KCNA2: variants seen among roughly 807,000 people sequenced by gnomAD.
KCNA2 encodes the protein potassium channel, voltage gated shaker related subfamily A, member 2.
Under a neutral mutation model 33.4 loss-of-function variants are expected in KCNA2, and 11 were observed. The ratio of observed to expected loss-of-function variants is 0.33; its 90% CI spans 0.21 to 0.55. KCNA2 has a LOEUF of 0.55. Ranked by LOEUF, KCNA2 falls within the 20% of genes least tolerant of loss-of-function variation. The pLI is 0.93. For synonymous variants in KCNA2, 222 were observed against 231.3 expected, an observed-to-expected ratio of 0.96 and a Z score of 0.37; for missense variants, 291 against 621.6, an observed-to-expected ratio of 0.47 and a Z score of 5.66.
rs1350739797 is a variant in KCNA2 at position 110,603,061 on chromosome 1, C to T, written c.*222G>A. On this transcript the variant is annotated 3_prime_UTR_variant, in exon 3 of 3. Coordinates refer to ENST00000316361, the MANE Select transcript of KCNA2 (RefSeq NM_004974.4). This position sits in a 1 kb window ranked among gnomAD's most constrained non-coding sequence, Gnocchi z 5.7. ...AAATCCTAGCTTGATAGGTGACTCC[C>T]GTCTTTGGAAGTTCATAAGCCGGTG... 6.5e-6 allele frequency: 9 copies of T among 1,395,178 alleles called. No individual in the cohort carries two copies. Among genetic ancestry groups the T allele is most frequent in the Admixed American group, 3.3e-5 (1 of 30,220 alleles). 86.4% of individuals were successfully genotyped at this position (1,395,178 alleles called of 1,614,324 possible). A position where few individuals can be genotyped will look rare whatever the true frequency, so the allele number is the denominator to read the frequency against.
Position 110,598,330 on chromosome 1 carries a change from C to A in KCNA2, c.*4953G>T, listed in dbSNP as rs542237164. 3.1e-4 allele frequency: 296 copies of A among 945,226 alleles called. No individual in the cohort carries two copies. Among genetic ancestry groups the A allele is most frequent in the Non-Finnish European group, 3.5e-4 (280 of 793,588 alleles). 58.6% of individuals were successfully genotyped at this position (945,226 alleles called of 1,614,324 possible). ...CAAGTCAAAGCACTGTGCTCCCCTG[C>A]CTGACATAGGGGTAGTGGTGCCACC... On this transcript the variant is annotated 3_prime_UTR_variant, in exon 3 of 3. Transcript: ENST00000316361.
At chr1:110,609,993 C>CTTAA (rs1236814734), upstream of KCNA2, among the ~76,000 whole-genome samples, 1 of 152,208 alleles carries the variant, frequency 6.6e-6, no homozygotes, top group African/African-American at 2.4e-5. Context: ...GAATGGACAG[C>CTTAA]CAGCTAACTT....
chr1:110,615,690 T>G (rs569696161), intron 1 of KCNA2, among the ~76,000 whole-genome samples: 1 of 152,034 alleles, frequency 6.6e-6, no homozygotes, highest in East Asian at 1.9e-4. Context: ...GGTAGACAAG[T>G]GAGGAGGTGG....
chr1:110,630,119 G>A (rs1297554941), intron 1 of KCNA2, among the ~76,000 whole-genome samples: 4 of 150,502 alleles, frequency 2.7e-5, no homozygotes, highest in Admixed American at 6.7e-5. Context: ...GGGTTCAAGC[G>A]ATTCTCCTGC....
rs1649013634 is a variant in KCNA2 at position 110,594,525 on chromosome 1, A to G, written c.*8758T>C. ...TCGCAACTGTTCCAAGATTATCCTT[A>G]GTGGAGAGAGGGGTGCAGGGATGCA... is the stretch of plus-strand genomic sequence containing the variant. On this transcript the variant is annotated 3_prime_UTR_variant, in exon 3 of 3. Transcript: ENST00000316361. 2 of 985,196 alleles carry G rather than the reference A, an allele frequency of 2.0e-6. No individual in the cohort carries two copies. The highest frequency in any genetic ancestry group is 4.7e-5 in the South Asian group (1 of 21,288). 61.0% of individuals were successfully genotyped at this position (985,196 alleles called of 1,614,324 possible). A position where few individuals can be genotyped will look rare whatever the true frequency, so the allele number is the denominator to read the frequency against.
In KCNA2 at chr1:110,597,038, C is replaced by A; in HGVS notation, c.*6245G>T. 1.0e-6 allele frequency: 1 copy of A among 985,448 alleles called. No homozygotes were observed. Among genetic ancestry groups the A allele is most frequent in the Non-Finnish European group, 1.2e-6 (1 of 829,942 alleles). The allele number at this position is 985,448 out of a possible 1,614,324, so 61.0% of individuals were successfully genotyped here. On this transcript the variant is annotated 3_prime_UTR_variant, in exon 3 of 3. Coordinates refer to ENST00000316361, the MANE Select transcript of KCNA2 (RefSeq NM_004974.4). ...TATTTCACTAATGTCATGCCCTAAC[C>A]ACCCAAACTTCTATCCCTGTAGACT...
rs1162359852 is a variant in KCNA2 at position 110,595,793 on chromosome 1, C to T, written c.*7490G>A. On this transcript the variant is annotated 3_prime_UTR_variant, in exon 3 of 3. Transcript: ENST00000316361. Reference sequence around the variant, plus strand: ...TGTTAGTTCCATTGATTGCCACAAACCTCACCTTCTGTGTGGCAGAGATGT... The same window carrying T: ...TGTTAGTTCCATTGATTGCCACAAATCTCACCTTCTGTGTGGCAGAGATGT... 19 of 985,294 alleles carry T rather than the reference C, an allele frequency of 1.9e-5. No individual in the cohort carries two copies. The highest frequency in any genetic ancestry group is 1.8e-5 in the Non-Finnish European group (15 of 829,928). The allele number at this position is 985,294 out of a possible 1,614,324, so 61.0% of individuals were successfully genotyped here. A position where few individuals can be genotyped will look rare whatever the true frequency, so the allele number is the denominator to read the frequency against.
Position 110,600,411 on chromosome 1 carries a change from T to A in KCNA2, c.*2872A>T. On this transcript the variant is annotated 3_prime_UTR_variant, in exon 3 of 3. Coordinates refer to ENST00000316361, the MANE Select transcript of KCNA2 (RefSeq NM_004974.4). ...CTGAGTTTCAGGTTGTATATTTGTA[T>A]GTGGTGTATGTTTGTCTTTTGTGTA... The A allele has an allele frequency of 2.0e-6, 2 of 985,140 alleles. No homozygotes were observed. The allele number at this position is 985,140 out of a possible 1,614,324, so 61.0% of individuals were successfully genotyped here.
rs1239590591 is a variant in KCNA2 at position 110,602,148 on chromosome 1, T to C, written c.*1135A>G. 1 of 1,550,458 alleles carries C rather than the reference T, an allele frequency of 6.4e-7. No individual in the cohort carries two copies. The highest frequency in any genetic ancestry group is 1.4e-5 in the African/African-American group (1 of 73,034). ...ATGCTGCCTTCCCCGCTTACTCTTCTGGCTTTGCAGAGGTCTGCGTTCCTG... is the reference window on the plus strand; with the variant it reads ...ATGCTGCCTTCCCCGCTTACTCTTCCGGCTTTGCAGAGGTCTGCGTTCCTG... On this transcript the variant is annotated 3_prime_UTR_variant, in exon 3 of 3. Transcript: ENST00000316361.
Position 110,602,125 on chromosome 1 carries a change from G to A in KCNA2, c.*1158C>T. 1 of 1,550,542 alleles carries A rather than the reference G, an allele frequency of 6.4e-7. No individual in the cohort carries two copies. The highest frequency in any genetic ancestry group is 8.7e-7 in the Non-Finnish European group (1 of 1,147,000). On this transcript the variant is annotated 3_prime_UTR_variant, in exon 3 of 3. Transcript: ENST00000316361. ...GTGCAGTCATGTGAGGTGTTCAGAT[G>A]CTGCCTTCCCCGCTTACTCTTCTGG...
At position 110,604,102 on chromosome 1, in the gene KCNA2, T is replaced by G; in HGVS notation, c.681A>C (p.Thr227=). The G allele has an allele frequency of 6.2e-7, 1 of 1,613,782 alleles. No homozygotes were observed. The change falls in exon 3 of 3, where the codon ACA becomes ACC. Residue 227 remains threonine (T), a synonymous_variant. Coordinates refer to ENST00000316361, the MANE Select transcript of KCNA2 (RefSeq NM_004974.4). The surrounding 1 kb of genome is among the most constrained non-coding windows in gnomAD (Gnocchi z 7.6). The stretch of plus-strand genomic sequence containing the variant: ...CAAAGGAGAACCAGATGATGCAGAG[T>G]GTCTCTACAATGAAGAAAGGGTCTG... ...SFTDPFFIVE[T]LCIIWFSFEF...
In KCNA2 at chr1:110,600,489, T is replaced by C; in HGVS notation, c.*2794A>G. ...AGAGTGTGCATTTTATATACAATTA[T>C]AACCATATATCTTCTGTGTTTGCTT... On this transcript the variant is annotated 3_prime_UTR_variant, in exon 3 of 3. Transcript: ENST00000316361. 1.0e-6 allele frequency: 1 copy of C among 985,228 alleles called. No homozygotes were observed. Among genetic ancestry groups the C allele is most frequent in the African/African-American group, 1.7e-5 (1 of 57,322 alleles). 61.0% of individuals were successfully genotyped at this position (985,228 alleles called of 1,614,324 possible). A position where few individuals can be genotyped will look rare whatever the true frequency, so the allele number is the denominator to read the frequency against.
Position 110,602,710 on chromosome 1 carries a change from T to A in KCNA2, c.*573A>T. On this transcript the variant is annotated 3_prime_UTR_variant, in exon 3 of 3. Coordinates refer to ENST00000316361, the MANE Select transcript of KCNA2 (RefSeq NM_004974.4). Reference sequence around the variant, plus strand: ...AAGCAGAATGCAGCATTTTCCGTTATGAAACACAAGCCTCCAGAGCATCTA... The same window carrying A: ...AAGCAGAATGCAGCATTTTCCGTTAAGAAACACAAGCCTCCAGAGCATCTA... The A allele has an allele frequency of 1.0e-6, 1 of 992,662 alleles. No homozygotes were observed. The highest frequency in any genetic ancestry group is 1.2e-6 in the Non-Finnish European group (1 of 834,744). The allele number at this position is 992,662 out of a possible 1,614,324, so 61.5% of individuals were successfully genotyped here.
At chr1:110,607,370 C>T (rs1649698900), upstream of KCNA2, 1 of 150,632 alleles carries the variant, frequency 6.6e-6, no homozygotes, top group Non-Finnish European at 1.5e-5. Flanking sequence ...TGCAGTCCCG[C>T]GGGCGGCGCG....
Position 110,594,267 on chromosome 1 carries a change from C to T in KCNA2, c.*9016G>A, listed in dbSNP as rs1249290107. 30 of 997,526 alleles carry T rather than the reference C, an allele frequency of 3.0e-5. No homozygotes were observed. The highest frequency in any genetic ancestry group is 6.1e-5 in the Admixed American group (1 of 16,294). The allele number at this position is 997,526 out of a possible 1,614,324, so 61.8% of individuals were successfully genotyped here. A position where few individuals can be genotyped will look rare whatever the true frequency, so the allele number is the denominator to read the frequency against. Reference sequence around the variant, plus strand: ...GTGCTGCATGAGCCTAAGTGAGTGGCGGCCATTTCCTCTCTCTCTCTCTCT... The same window carrying T: ...GTGCTGCATGAGCCTAAGTGAGTGGTGGCCATTTCCTCTCTCTCTCTCTCT... On this transcript the variant is annotated 3_prime_UTR_variant, in exon 3 of 3. Coordinates refer to ENST00000316361, the MANE Select transcript of KCNA2 (RefSeq NM_004974.4).
chr1:110,608,502 G>A (rs1649757611), upstream of KCNA2, among the ~76,000 whole-genome samples: 1 of 152,190 alleles, frequency 6.6e-6, no homozygotes, highest in South Asian at 2.1e-4. Flanking sequence ...CTCGTGGGGA[G>A]AGCCCTGAAA....
chr1:110,602,261 T>C lies in KCNA2; in HGVS notation c.*1022A>G. On this transcript the variant is annotated 3_prime_UTR_variant, in exon 3 of 3. Coordinates refer to ENST00000316361, the MANE Select transcript of KCNA2 (RefSeq NM_004974.4). ...TATTTTTTTTCCCCTGATGGAGGGA[T>C]TTTTGCCTTCTGATGGGAAAAAAAC... 1 of 1,523,294 alleles carries C rather than the reference T, an allele frequency of 6.6e-7. No individual in the cohort carries two copies. Among genetic ancestry groups the C allele is most frequent in the Non-Finnish European group, 8.8e-7 (1 of 1,135,676 alleles). 94.4% of individuals were successfully genotyped at this position (1,523,294 alleles called of 1,614,324 possible).
intron 1 of KCNA2, among the ~76,000 whole-genome samples, chr1:110,612,580 C>G (rs1055897278): frequency 1.3e-5 from 2 of 152,184 alleles, no homozygotes; most frequent in African/African-American, 4.8e-5. Context: ...CACCAGCAGG[C>G]ACAGTCTGGG....
upstream of KCNA2, chr1:110,607,762 C>T (rs957214060): frequency 1.3e-5 from 2 of 152,368 alleles, no homozygotes; most frequent in Non-Finnish European, 2.9e-5. Flanking sequence ...GATCCAGCCC[C>T]GGGAGAGACG....
Sources: gnomAD v4.1 joint callset for allele counts (sites outside exome capture counted in the v4.1 genomes callset) on GRCh38, gnomAD v4.1.1 for gene constraint, Gnocchi (gnomAD v3.1) non-coding constraint, MANE v1.5 for transcripts, NCBI Gene and HGNC (gene_info 2026-07-23, HGNC 2026-07-21) for gene names.